The following GRM4 variants were observed in gnomAD, a reference collection of about 807,000 sequenced individuals.
The protein encoded by GRM4 is metabotropic glutamate receptor 4.
A neutral mutation model predicts 81.7 loss-of-function variants in GRM4; 28 were observed. The ratio of observed to expected loss-of-function variants is 0.34; its 90% CI spans 0.25 to 0.47. GRM4 has a LOEUF of 0.47. GRM4 is among the 20% of genes least tolerant of loss of function. The probability of loss-of-function intolerance (pLI) is 1.00; values close to 1 mark genes in which losing one functional copy is unlikely to be tolerated. For missense variants in GRM4, 948 were observed against 1,290.0 expected (o/e 0.73, Z 4.06); for synonymous variants, 488 against 528.8 (o/e 0.92, Z 1.06).
intron 2 of GRM4, among the ~76,000 whole-genome samples, chr6:34,127,731 A>G (rs2127508039): frequency 6.6e-6 from 1 of 152,196 alleles, no homozygotes; most frequent in South Asian, 2.1e-4. Flanking sequence ...CTGAAAGTGG[A>G]GCCTGCAGGG....
At chr6:34,132,319 T>C (rs1770275548) in intron 2 of GRM4, among the ~76,000 whole-genome samples, 2 of 151,994 alleles carry the variant, frequency 1.3e-5, no homozygotes, top group Non-Finnish European at 2.9e-5. Context: ...GCCTCAGTTT[T>C]CCCGTCCTCA....
intron 1 of GRM4, among the ~76,000 whole-genome samples, chr6:34,144,585 G>A (rs1477835003): frequency 6.6e-6 from 1 of 152,190 alleles, no homozygotes; most frequent in African/African-American, 2.4e-5. Context: ...TGGCGAAGGC[G>A]GCGCTGGGGC....
chr6:34,132,842 T>C, intron 2 of GRM4, 136 bp downstream of exon 2: 3 of 666,512 alleles, frequency 4.5e-6, no homozygotes, highest in Non-Finnish European at 7.6e-6. Flanking sequence ...GACACTGCTC[T>C]GAGGAAAAAA....
At chr6:34,024,139 C>T (rs965107585) in intron 10 of GRM4, 1 of 153,000 alleles carries the variant, frequency 6.5e-6, no homozygotes, top group Non-Finnish European at 1.5e-5. Flanking sequence ...CCCCCCGATC[C>T]TCTCTCCCCT....
In GRM4 at chr6:34,047,611, T is replaced by C. The variant is rs1226317842; in HGVS notation, c.1169-6863A>G. 6.6e-6 allele frequency among the ~76,000 whole-genome samples: 1 copy of C among 152,108 alleles called. No individual in the cohort carries two copies. The highest frequency in any genetic ancestry group is 1.5e-5 in the Non-Finnish European group (1 of 68,008). On this transcript the variant is annotated intron_variant, in intron 6 of 10. Transcript: ENST00000538487. This position sits in a 1 kb window ranked among gnomAD's most constrained non-coding sequence, Gnocchi z 4.5. ...GTCGCCTGCCTTCCAGTCTGGGAAT[T>C]TCTAACCCACTTGGCTGGGTCTCCT...
Position 34,040,530 on chromosome 6 carries a change from T to A in GRM4, c.1369+18A>T. The A allele has an allele frequency of 1.9e-6, 3 of 1,605,604 alleles. No individual in the cohort carries two copies. Among genetic ancestry groups the A allele is most frequent in the Non-Finnish European group, 2.6e-6 (3 of 1,175,000 alleles). On this transcript the variant is annotated intron_variant, in intron 7 of 10. Coordinates refer to ENST00000538487, the MANE Select transcript of GRM4 (RefSeq NM_000841.4). ...CCAGGATACCCAGGGTCAGGCACAG[T>A]CCGCACCACACCCCCACCTGAGAAG...
At chr6:34,065,682 CCCGGCCAAGCTGGTGCGTCTGCTCG>C (rs1386740550) in intron 3 of GRM4, among the ~76,000 whole-genome samples, 3 of 152,118 alleles carry the variant, frequency 2.0e-5, no homozygotes, top group Non-Finnish European at 2.9e-5. Flanking sequence ...GCTCTGCCAT[CCCGGCCAAGCTGGTGCGTCTGCTCG>C]CCGGCCAGGG....
chr6:34,135,813 T>C (rs1770434023), intron 1 of GRM4, among the ~76,000 whole-genome samples: 2 of 152,228 alleles, frequency 1.3e-5, no homozygotes, highest in African/African-American at 4.8e-5. Flanking sequence ...TAGACGAATC[T>C]CATGGTCCTG....
chr6:34,132,607 GCCTATCT>G (rs1770286908), intron 2 of GRM4, among the ~76,000 whole-genome samples: 1 of 152,160 alleles, frequency 6.6e-6, no homozygotes, highest in Admixed American at 6.5e-5. Context: ...CTGTCTGTCT[GCCTATCT>G]CCTCCTCCCT....
At chr6:34,144,806 G>A (rs1770855606) in intron 1 of GRM4, among the ~76,000 whole-genome samples, 1 of 152,142 alleles carries the variant, frequency 6.6e-6, no homozygotes, top group African/African-American at 2.4e-5. Flanking sequence ...TGTATACAGA[G>A]ACAGTACTTT....
chr6:34,049,293 C>G (rs1765499620), intron 6 of GRM4, among the ~76,000 whole-genome samples: 1 of 152,126 alleles, frequency 6.6e-6, no homozygotes, highest in South Asian at 2.1e-4. Flanking sequence ...CCCTGGACAG[C>G]ATGTGATGGA....
chr6:34,032,815 T>C (rs1251197444), intron 9 of GRM4, among the ~76,000 whole-genome samples: 1 of 152,092 alleles, frequency 6.6e-6, no homozygotes, highest in Non-Finnish European at 1.5e-5. Context: ...GAGAGCCTGA[T>C]ATCCTGGGAT....
chr6:34,026,695 C>T (rs61423062), intron 10 of GRM4, among the ~76,000 whole-genome samples: 17,767 of 152,128 alleles, frequency 0.12, 2,071 homozygotes, highest in African/African-American at 0.3. Flanking sequence ...GGGCAGTACC[C>T]GTACTGAGCC....
chr6:34,112,882 TC>T (rs1357195056), intron 2 of GRM4, among the ~76,000 whole-genome samples: 7 of 152,282 alleles, frequency 4.6e-5, no homozygotes, highest in African/African-American at 1.7e-4. Flanking sequence ...GGCATCTGCT[TC>T]CCCGAACTTC....
chr6:34,125,625 C>G (rs1286248689), intron 2 of GRM4, among the ~76,000 whole-genome samples: 1 of 152,256 alleles, frequency 6.6e-6, no homozygotes, highest in Non-Finnish European at 1.5e-5. Flanking sequence ...AAGGGCCTGC[C>G]CAAGGGCACG....
intron 10 of GRM4, among the ~76,000 whole-genome samples, chr6:34,025,733 G>A (rs536576227): frequency 6.6e-6 from 1 of 152,292 alleles, no homozygotes; most frequent in East Asian, 1.9e-4. Context: ...ATGCTGTGGG[G>A]GAATCTCGAC....
Position 34,067,185 on chromosome 6 carries a change from A to C in GRM4, c.737-5157T>G, listed in dbSNP as rs114443529. On this transcript the variant is annotated intron_variant, in intron 3 of 10. Transcript: ENST00000538487. ...CACTTCGTGGATGAAACTTGGTATCAGTTTCCTGTCGTATTTTTCAGTCTC... is the reference window on the plus strand; with the variant it reads ...CACTTCGTGGATGAAACTTGGTATCCGTTTCCTGTCGTATTTTTCAGTCTC... 2.0e-3 allele frequency among the ~76,000 whole-genome samples: 308 copies of C among 152,240 alleles called. 3 individuals are homozygous for C. Among genetic ancestry groups the C allele is most frequent in the African/African-American group, 6.9e-3 (285 of 41,532 alleles).
At chr6:34,049,814 G>C (rs571835005) in intron 6 of GRM4, among the ~76,000 whole-genome samples, 2 of 151,656 alleles carry the variant, frequency 1.3e-5, no homozygotes, top group African/African-American at 4.9e-5. Flanking sequence ...TGACCCCTTC[G>C]CACCACCTCC....
chr6:34,056,445 AC>A, intron 6 of GRM4, 98 bp downstream of exon 6: 1 of 1,130,030 alleles, frequency 8.8e-7, no homozygotes, highest in Non-Finnish European at 1.3e-6. Flanking sequence ...CGGCCGGCCG[AC>A]GACAGACAAA....
Sources: allele counts gnomAD v4.1 joint callset (sites outside exome capture counted in the v4.1 genomes callset), GRCh38; gene constraint gnomAD v4.1.1; non-coding constraint Gnocchi (gnomAD v3.1); transcripts MANE v1.5; gene names NCBI Gene and HGNC (gene_info 2026-07-23, HGNC 2026-07-21).